The following DOK6 variants were observed in gnomAD, a reference collection of about 807,000 sequenced individuals.
DOK6 encodes downstream of tyrosine kinase 6.
DOK6 carries 22 observed loss-of-function variants against 44.0 expected under a neutral mutation model. The observed-to-expected ratio is 0.50, with a 90% CI of 0.36 to 0.71. The LOEUF (loss-of-function observed/expected upper bound fraction) is 0.71, where lower values mean the gene tolerates loss of function less well. Among genes scored for constraint, DOK6 ranks in the 30% least tolerant of loss-of-function variants. The pLI is 0.00. For synonymous variants in DOK6, 166 were observed against 145.5 expected (o/e 1.14, Z -1.01); for missense variants, 340 against 416.4 (o/e 0.82, Z 1.60).
chr18:69,811,600 T>A (rs75896037), intron 7 of DOK6, among the ~76,000 whole-genome samples: 5,563 of 139,364 alleles, frequency 0.04, 189 homozygotes, highest in Middle Eastern at 0.12. Flanking sequence ...TTGTACACAA[T>A]CAATATATAC....
At chr18:69,566,837 G>C (rs1454777387) in intron 2 of DOK6, among the ~76,000 whole-genome samples, 1 of 152,200 alleles carries the variant, frequency 6.6e-6, no homozygotes, top group African/African-American at 2.4e-5. Context: ...CCAAACTAGT[G>C]GTGGTAATGT....
At chr18:69,553,124 C>G (rs1982605491) in intron 1 of DOK6, among the ~76,000 whole-genome samples, 1 of 152,144 alleles carries the variant, frequency 6.6e-6, no homozygotes, top group Admixed American at 6.5e-5. Flanking sequence ...TCTATTCACC[C>G]CAAACATATT....
At position 69,599,521 on chromosome 18, in the gene DOK6, C is replaced by T. The variant is rs1399976690; in HGVS notation, c.289+23C>T. The T allele has an allele frequency of 4.4e-6, 7 of 1,595,712 alleles. No homozygotes were observed. The African/African-American group carries it at 9.4e-5, about 21-fold the overall frequency. On this transcript the variant is annotated intron_variant, in intron 3 of 7. Transcript: ENST00000382713. The stretch of plus-strand genomic sequence containing the variant: ...CAGGTAAGCTATTATTGGCCATCTA[C>T]CCCTTGAGGAAATTGAGCTGCTTGT...
chr18:69,450,022 C>T (rs1364762688), intron 1 of DOK6, among the ~76,000 whole-genome samples: 24 of 126,200 alleles, frequency 1.9e-4, no homozygotes, highest in Admixed American at 5.2e-4. Context: ...TCCAAAGGAA[C>T]GCAGTTCCTC....
chr18:69,655,739 C>T (rs1318903991), intron 3 of DOK6, among the ~76,000 whole-genome samples: 2 of 115,524 alleles, frequency 1.7e-5, no homozygotes, highest in African/African-American at 6.9e-5. Context: ...GGTGACAGAG[C>T]GAGACTCCTT....
At chr18:69,661,567 T>A (rs550925191) in intron 3 of DOK6, 8 of 152,334 alleles carry the variant, frequency 5.3e-5, no homozygotes, top group Admixed American at 2.6e-4. Context: ...CTCCTTCCTA[T>A]TATACTCTGT....
intron 5 of DOK6, among the ~76,000 whole-genome samples, chr18:69,726,242 A>T (rs1165849790): frequency 1.3e-5 from 2 of 152,188 alleles, no homozygotes; most frequent in Non-Finnish European, 2.9e-5. Flanking sequence ...TTCAGATTAT[A>T]ACTAGCTAGT....
intron 3 of DOK6, among the ~76,000 whole-genome samples, chr18:69,669,743 T>C (rs1985750294): frequency 6.6e-6 from 1 of 152,196 alleles, no homozygotes; most frequent in South Asian, 2.1e-4. Flanking sequence ...CCTTGAGATT[T>C]TCTTTTCCAC....
intron 6 of DOK6, among the ~76,000 whole-genome samples, chr18:69,741,546 A>G (rs778448250): frequency 2.0e-5 from 3 of 152,112 alleles, no homozygotes; most frequent in Non-Finnish European, 4.4e-5. Context: ...CACCCGGGCC[A>G]GAGTGTAATG....
At chr18:69,535,184 G>A (rs1434932609) in intron 1 of DOK6, among the ~76,000 whole-genome samples, 2 of 152,036 alleles carry the variant, frequency 1.3e-5, no homozygotes, top group East Asian at 1.9e-4. Context: ...CGTTGTGCAT[G>A]TATCTCTTCA....
intron 1 of DOK6, among the ~76,000 whole-genome samples, chr18:69,474,884 T>G (rs1197396245): frequency 3.9e-5 from 6 of 152,310 alleles, no homozygotes; most frequent in African/African-American, 1.4e-4. Context: ...AGCAAAAACT[T>G]GCACTAAATT....
chr18:69,641,843 A>C (rs1360281779), intron 3 of DOK6, among the ~76,000 whole-genome samples: 1 of 152,166 alleles, frequency 6.6e-6, no homozygotes, highest in African/African-American at 2.4e-5. Context: ...ACACACACAA[A>C]AAAAGATTCT....
chr18:69,738,186 T>C (rs1978677948), intron 5 of DOK6, among the ~76,000 whole-genome samples: 1 of 152,228 alleles, frequency 6.6e-6, no homozygotes, highest in African/African-American at 2.4e-5. Context: ...GAGAAGAATC[T>C]AAAATCTTTT....
At chr18:69,529,571 G>A (rs1347048968) in intron 1 of DOK6, among the ~76,000 whole-genome samples, 3 of 152,152 alleles carry the variant, frequency 2.0e-5, no homozygotes, top group Admixed American at 6.5e-5. Flanking sequence ...TTGCAAGATA[G>A]CGTAATGGGC....
chr18:69,843,113 C>T lies in DOK6; in HGVS notation c.*1730C>T, dbSNP rs1982270685. 6.6e-6 allele frequency: 1 copy of T among 152,166 alleles called. No individual in the cohort carries two copies. Among genetic ancestry groups the T allele is most frequent in the Non-Finnish European group, 1.5e-5 (1 of 68,032 alleles). The allele number at this position is 152,166 out of a possible 1,614,324, so 9.4% of individuals were successfully genotyped here. ...CAGCAACTACCTAGGCTCTCCAAATCACTCCACTCGGTATGAAAACCCCAT... is the reference window on the plus strand; with the variant it reads ...CAGCAACTACCTAGGCTCTCCAAATTACTCCACTCGGTATGAAAACCCCAT... On this transcript the variant is annotated 3_prime_UTR_variant, in exon 8 of 8. Transcript: ENST00000382713.
At chr18:69,415,831 A>C (rs1311729916) in intron 1 of DOK6, among the ~76,000 whole-genome samples, 1 of 152,114 alleles carries the variant, frequency 6.6e-6, no homozygotes, top group Non-Finnish European at 1.5e-5. Flanking sequence ...CATATATTAA[A>C]TCCCAAGGTT....
At chr18:69,642,028 A>G (rs4372782) in intron 3 of DOK6, among the ~76,000 whole-genome samples, 6,981 of 152,312 alleles carry the variant, frequency 0.046, 211 homozygotes, top group Non-Finnish European at 0.062. Flanking sequence ...AAACTCGAAG[A>G]AATAGAAGTA....
intron 1 of DOK6, among the ~76,000 whole-genome samples, chr18:69,526,815 A>G (rs1248371873): frequency 1.3e-5 from 2 of 152,224 alleles, no homozygotes; most frequent in Non-Finnish European, 2.9e-5. Context: ...CTGAGAGACC[A>G]AGGAAATATA....
chr18:69,799,856 G>A (rs1458776567), intron 7 of DOK6, among the ~76,000 whole-genome samples: 1 of 152,012 alleles, frequency 6.6e-6, no homozygotes, highest in Non-Finnish European at 1.5e-5. Context: ...GATATCAGCT[G>A]AGCAACCTCT....
Sources: gnomAD v4.1 joint callset for allele counts (sites outside exome capture counted in the v4.1 genomes callset) on GRCh38, gnomAD v4.1.1 for gene constraint, MANE v1.5 for transcripts, NCBI Gene and HGNC (gene_info 2026-07-23, HGNC 2026-07-21) for gene names.